BBX: variants seen among roughly 807,000 people sequenced by gnomAD.
BBX encodes the protein HMG box transcription factor BBX.
Under a neutral mutation model 100.2 loss-of-function variants are expected in BBX, and 30 were observed. The observed-to-expected ratio is 0.30, with a 90% CI of 0.22 to 0.41. The LOEUF (loss-of-function observed/expected upper bound fraction) is 0.41. Ranked by LOEUF, BBX falls within the 10% of genes least tolerant of loss-of-function variation. BBX has a pLI of 1.00. For missense variants in BBX, 1,023 were observed against 1,129.8 expected (o/e 0.91, Z 1.35); for synonymous variants, 376 against 388.1 (o/e 0.97, Z 0.37).
At chr3:107,710,417 G>A (rs2061641852) in intron 3 of BBX, 35 bp from the exon 4 acceptor site, 2 of 1,517,282 alleles carry the variant, frequency 1.3e-6, no homozygotes, top group Non-Finnish European at 1.8e-6. Context: ...TTCTCTCCCT[G>A]TTTCCCTGTT....
chr3:107,575,352 CTT>C (rs1408254250), intron 2 of BBX, among the ~76,000 whole-genome samples: 1 of 152,040 alleles, frequency 6.6e-6, no homozygotes, highest in Non-Finnish European at 1.5e-5. Flanking sequence ...TTGACATTCT[CTT>C]ATTTTGTTGC....
intron 4 of BBX, among the ~76,000 whole-genome samples, chr3:107,715,039 C>G (rs760085003): frequency 3.5e-4 from 53 of 152,194 alleles, no homozygotes; most frequent in Non-Finnish European, 7.1e-4. Flanking sequence ...CCACCTTGGC[C>G]TCCCAAAGTG....
intron 2 of BBX, among the ~76,000 whole-genome samples, chr3:107,597,331 A>C (rs988271717): frequency 1.3e-5 from 2 of 152,208 alleles, no homozygotes; most frequent in African/African-American, 4.8e-5. Context: ...TTCTGTGACC[A>C]TACGGCTCCC....
chr3:107,658,753 C>T (rs965986297), intron 3 of BBX, among the ~76,000 whole-genome samples: 33 of 151,850 alleles, frequency 2.2e-4, no homozygotes, highest in African/African-American at 7.7e-4. Flanking sequence ...TCTTCCTTGT[C>T]TTCACAGTGA....
chr3:107,609,443 A>G (rs2054677634), intron 2 of BBX, among the ~76,000 whole-genome samples: 2 of 152,044 alleles, frequency 1.3e-5, no homozygotes, highest in African/African-American at 4.8e-5. Flanking sequence ...ATTTTCTGGA[A>G]TAGTCTGAGT....
chr3:107,637,222 T>C (rs905026384), intron 2 of BBX, among the ~76,000 whole-genome samples: 12 of 152,208 alleles, frequency 7.9e-5, no homozygotes, highest in African/African-American at 2.7e-4. Context: ...TTTTACATGC[T>C]CACTTCTACA....
intron 3 of BBX, among the ~76,000 whole-genome samples, chr3:107,653,114 C>A (rs1019549305): frequency 6.6e-6 from 1 of 152,132 alleles, no homozygotes; most frequent in Non-Finnish European, 1.5e-5. Flanking sequence ...TCCCAGACTT[C>A]GTTCAGGGAG....
In BBX at chr3:107,755,614, C is replaced by T. The variant is rs770138977; in HGVS notation, c.842C>T (p.Ser281Leu). The change falls in exon 10 of 18, where the codon TCG becomes TTG. Residue 281 changes from serine to leucine, a missense_variant. Ser to Leu is a moderately radical substitution (Grantham distance 145). Around this residue, in one of 9 missense-constraint regions of BBX, gnomAD observed 95 missense variants for 95.1 expected, o/e 1.00. Transcript: ENST00000325805. Reference sequence around the variant, plus strand: ...TTAATATAGATTTCTTCAAACACTTCGCAGTTGGGTGGTGCTGAGCCTGTA... The same window carrying T: ...TTAATATAGATTTCTTCAAACACTTTGCAGTTGGGTGGTGCTGAGCCTGTA... The part of the protein sequence containing the change: ...FQFAEISSNT[S>L]QLGGAEPVKR... The T allele has an allele frequency of 4.3e-6, 7 of 1,613,816 alleles. No homozygotes were observed. The highest frequency in any genetic ancestry group is 2.2e-5 in the East Asian group (1 of 44,846).
chr3:107,773,560 G>A lies in BBX; in HGVS notation c.1839G>A (p.Arg613=), dbSNP rs1266109175. 1 of 1,614,006 alleles carries A rather than the reference G, an allele frequency of 6.2e-7. No homozygotes were observed. The highest frequency in any genetic ancestry group is 1.3e-5 in the African/African-American group (1 of 75,032). Residue 613 remains arginine, a synonymous_variant, in exon 11 of 18, where the codon AGG becomes AGA. Coordinates refer to ENST00000325805, the MANE Select transcript of BBX (RefSeq NM_001142568.3). The surrounding 1 kb of genome is among the most constrained non-coding windows in gnomAD (Gnocchi z 4.1). Reference sequence around the variant, plus strand: ...CTTGTGGTTCCAGGAAATCCGAGAGGTCTTGCAAAGGTGCTCTTTATAAAA... The same window carrying A: ...CTTGTGGTTCCAGGAAATCCGAGAGATCTTGCAAAGGTGCTCTTTATAAAA... ...IETCGSRKSE[R]SCKGALYKTL...
At chr3:107,742,887 TGTC>T (rs773692975) in intron 7 of BBX, among the ~76,000 whole-genome samples, 1 of 152,198 alleles carries the variant, frequency 6.6e-6, no homozygotes, top group East Asian at 1.9e-4. Flanking sequence ...CTTGATGTGT[TGTC>T]GTGGCCAAAT....
chr3:107,691,493 T>C lies in BBX; in HGVS notation c.-9-18959T>C, dbSNP rs375983006. Among the ~76,000 whole-genome samples, 12 of 152,318 alleles carry C rather than the reference T, an allele frequency of 7.9e-5. No homozygotes were observed. The South Asian group carries it at 2.5e-3, about 32-fold the overall frequency. On this transcript the variant is annotated intron_variant, in intron 3 of 17. Transcript: ENST00000325805. ...TATGACTGAATCATCAAGTAAGCAC[T>C]TACATTTTGTATCATATATATTAAA...
intron 2 of BBX, among the ~76,000 whole-genome samples, chr3:107,554,496 G>A (rs992074492): frequency 2.0e-5 from 3 of 152,034 alleles, no homozygotes; most frequent in Non-Finnish European, 4.4e-5. Flanking sequence ...AGGAATTTGT[G>A]GATTTCCAAG....
intron 15 of BBX, among the ~76,000 whole-genome samples, chr3:107,796,958 T>C (rs1443696278): frequency 6.6e-6 from 1 of 152,144 alleles, no homozygotes; most frequent in Admixed American, 6.5e-5. Flanking sequence ...ACAACTGTTA[T>C]CTTAAGCCTG....
intron 2 of BBX, among the ~76,000 whole-genome samples, chr3:107,535,907 G>A (rs1249012551): frequency 6.6e-6 from 1 of 152,172 alleles, no homozygotes; most frequent in Non-Finnish European, 1.5e-5. Context: ...CCTGTACTTT[G>A]TACTTTTAAA....
chr3:107,753,190 A>G (rs965503270), intron 9 of BBX, among the ~76,000 whole-genome samples: 1 of 152,248 alleles, frequency 6.6e-6, no homozygotes, highest in African/African-American at 2.4e-5. Context: ...CTAAAGAAAG[A>G]CTAGCACTGT....
rs527242065 is a variant in BBX, at chr3:107,792,056, T to C, written c.2353+757T>C. ...AAAATCCAATATTAACTAGTCATGT[T>C]ATAGGTCCTAGGTGCAGATTTGATT... On this transcript the variant is annotated intron_variant, in intron 15 of 17. Transcript: ENST00000325805. 2.6e-5 allele frequency among the ~76,000 whole-genome samples: 4 copies of C among 152,346 alleles called. No individual in the cohort carries two copies. In the East Asian group the frequency reaches 7.7e-4, roughly 29 times the overall value.
chr3:107,686,692 C>T (rs1353380711), intron 3 of BBX, among the ~76,000 whole-genome samples: 4 of 152,102 alleles, frequency 2.6e-5, no homozygotes, highest in African/African-American at 9.7e-5. Context: ...CTTCCCTGAG[C>T]ACACGAATGG....
At chr3:107,566,172 T>C (rs900419827) in intron 2 of BBX, among the ~76,000 whole-genome samples, 1 of 78,930 alleles carries the variant, frequency 1.3e-5, no homozygotes, top group African/African-American at 6.5e-5. Flanking sequence ...CGAAACTCTG[T>C]CTCAAAAAAA....
At chr3:107,751,763 C>T (rs2065097262) in intron 9 of BBX, among the ~76,000 whole-genome samples, 1 of 119,882 alleles carries the variant, frequency 8.3e-6, no homozygotes, top group Non-Finnish European at 2.1e-5. Flanking sequence ...TCACTCACCA[C>T]CCCCAATTTC....
Sources: gnomAD v4.1 joint callset for allele counts (sites outside exome capture counted in the v4.1 genomes callset) on GRCh38, gnomAD v4.1.1 for gene constraint, gnomAD v4.1.1 regional missense constraint, Gnocchi (gnomAD v3.1) non-coding constraint, MANE v1.5 for transcripts, NCBI Gene and HGNC (gene_info 2026-07-23, HGNC 2026-07-21) for gene names.